The following KLF12 variants were observed in gnomAD, a reference collection of about 807,000 sequenced individuals.
The protein encoded by KLF12 is KLF transcription factor 12, also known as Krueppel-like factor 12.
In KLF12, 9 loss-of-function variants were observed where a neutral mutation model predicts 37.8. The observed-to-expected ratio is 0.24, with a 90% CI of 0.14 to 0.42. The LOEUF (loss-of-function observed/expected upper bound fraction) is 0.42, where lower values mean the gene tolerates loss of function less well. Among genes scored for constraint, KLF12 ranks in the 10% least tolerant of loss-of-function variants. The pLI, the probability that KLF12 is intolerant of heterozygous loss-of-function variation, is 1.00. For synonymous variants in KLF12, 208 were observed against 202.1 expected, an observed-to-expected ratio of 1.03 and a Z score of -0.25; for missense variants, 411 against 516.0, an observed-to-expected ratio of 0.80 and a Z score of 1.97.
the KLF12 span, among the ~76,000 whole-genome samples, chr13:74,278,888 G>A: frequency 6.6e-6 from 1 of 152,186 alleles, no homozygotes; most frequent in Admixed American, 6.5e-5. Context: ...TTAAGGAACT[G>A]TTAAGGAATG....
At chr13:74,248,990 T>C in the KLF12 span, among the ~76,000 whole-genome samples, 1 of 152,016 alleles carries the variant, frequency 6.6e-6, no homozygotes, top group South Asian at 2.1e-4. Flanking sequence ...AGAGGTGTGG[T>C]TCTAGAGGAG....
intron 5 of KLF12, among the ~76,000 whole-genome samples, chr13:73,767,612 G>A (rs959840446): frequency 1.4e-4 from 21 of 152,194 alleles, no homozygotes; most frequent in South Asian, 2.1e-4. Flanking sequence ...AGAAAACAGG[G>A]AAGCTATACC....
the KLF12 span, among the ~76,000 whole-genome samples, chr13:74,152,369 A>C: frequency 1.3e-5 from 2 of 152,158 alleles, no homozygotes; most frequent in Non-Finnish European, 2.9e-5. Context: ...GTTTTTCTAG[A>C]GTACTCCCCT....
intron 1 of KLF12, among the ~76,000 whole-genome samples, chr13:74,009,158 T>A (rs557053783): frequency 1.3e-5 from 2 of 152,216 alleles, no homozygotes; most frequent in African/African-American, 4.8e-5. Context: ...TAACAGTTTA[T>A]CTGTGACTGT....
the KLF12 span, among the ~76,000 whole-genome samples, chr13:74,244,300 G>A: frequency 1.9e-3 from 291 of 152,296 alleles, no homozygotes; most frequent in Non-Finnish European, 3.2e-3. Flanking sequence ...TGATCCTGAT[G>A]TTCCACTACC....
At chr13:74,077,222 C>T (rs1226211465) in intron 1 of KLF12, among the ~76,000 whole-genome samples, 2 of 152,170 alleles carry the variant, frequency 1.3e-5, no homozygotes, top group African/African-American at 4.8e-5. Context: ...AAAATTGCCA[C>T]ACTGCTTTCC....
intron 3 of KLF12, among the ~76,000 whole-genome samples, chr13:73,878,974 G>T (rs1886848053): frequency 6.6e-6 from 1 of 152,142 alleles, no homozygotes; most frequent in Non-Finnish European, 1.5e-5. Context: ...GAGAAGGAAA[G>T]TTTTTGAATA....
intron 2 of KLF12, among the ~76,000 whole-genome samples, chr13:73,947,453 C>A (rs1276320754): frequency 6.6e-6 from 1 of 151,946 alleles, no homozygotes; most frequent in Non-Finnish European, 1.5e-5. Flanking sequence ...GAGTTTGAGA[C>A]CAGCCTGGCC....
intron 1 of KLF12, among the ~76,000 whole-genome samples, chr13:74,018,800 C>T (rs975438683): frequency 1.3e-5 from 2 of 152,144 alleles, no homozygotes; most frequent in Non-Finnish European, 2.9e-5. Context: ...TCAGATCATT[C>T]GCAAATGTAG....
chr13:73,951,361 C>T (rs1388787201), intron 2 of KLF12, among the ~76,000 whole-genome samples: 1 of 152,056 alleles, frequency 6.6e-6, no homozygotes, highest in African/African-American at 2.4e-5. Flanking sequence ...TTAACTACGG[C>T]TATTTTAGAT....
chr13:73,768,798 T>A (rs1880094173), intron 5 of KLF12, among the ~76,000 whole-genome samples: 1 of 152,194 alleles, frequency 6.6e-6, no homozygotes, highest in Non-Finnish European at 1.5e-5. Flanking sequence ...TTAGGTAACT[T>A]GCTGGGGTCA....
chr13:74,281,990 G>C, the KLF12 span, among the ~76,000 whole-genome samples: 2 of 152,160 alleles, frequency 1.3e-5, no homozygotes, highest in Admixed American at 1.3e-4. Context: ...CAGAAGCACA[G>C]CTTAGCCCCC....
At chr13:74,087,291 G>A (rs1256759567) in intron 1 of KLF12, among the ~76,000 whole-genome samples, 1 of 152,102 alleles carries the variant, frequency 6.6e-6, no homozygotes, top group African/African-American at 2.4e-5. Context: ...CAGGTCCTCT[G>A]TCAGAAGTTA....
intron 2 of KLF12, among the ~76,000 whole-genome samples, chr13:73,993,015 T>C (rs1285072856): frequency 2.0e-5 from 3 of 152,124 alleles, no homozygotes; most frequent in East Asian, 3.9e-4. Flanking sequence ...GAGGATCACT[T>C]GAGGTCAGAT....
chr13:73,917,942 A>AT (rs1233608172), intron 3 of KLF12, among the ~76,000 whole-genome samples: 14 of 152,188 alleles, frequency 9.2e-5, no homozygotes, highest in Admixed American at 9.2e-4. Context: ...TGAAAAAAAA[A>AT]AAATTCCTGA....
intron 6 of KLF12, among the ~76,000 whole-genome samples, chr13:73,732,218 G>C (rs572869425): frequency 4.9e-4 from 74 of 151,796 alleles, no homozygotes; most frequent in South Asian, 2.9e-3. Context: ...TGAGTAGCAA[G>C]GATTACAGGC....
chr13:73,702,474 T>C (rs1280357397), intron 7 of KLF12, among the ~76,000 whole-genome samples: 1 of 152,184 alleles, frequency 6.6e-6, no homozygotes, highest in African/African-American at 2.4e-5. Flanking sequence ...CCTTTCATAT[T>C]AAAATGACGT....
chr13:73,857,083 T>C (rs1885651006), intron 3 of KLF12, among the ~76,000 whole-genome samples: 2 of 152,280 alleles, frequency 1.3e-5, no homozygotes, highest in African/African-American at 2.4e-5. Context: ...TTAAGGCAGA[T>C]TTAGTCATGA....
At chr13:74,265,385 G>A in the KLF12 span, among the ~76,000 whole-genome samples, 2 of 152,086 alleles carry the variant, frequency 1.3e-5, no homozygotes, top group Admixed American at 6.6e-5. Flanking sequence ...TGAGATATAT[G>A]GGCAATCACA....
Sources: gnomAD v4.1 joint callset for allele counts (sites outside exome capture counted in the v4.1 genomes callset) on GRCh38, gnomAD v4.1.1 for gene constraint, MANE v1.5 for transcripts, NCBI Gene and HGNC (gene_info 2026-07-23, HGNC 2026-07-21) for gene names.